The following MYO1E variants were observed in gnomAD, a reference collection of about 807,000 sequenced individuals.
MYO1E encodes myosin IE.
In MYO1E, 68 loss-of-function variants were observed where a neutral mutation model predicts 151.1. That is an observed-to-expected ratio of 0.45 (90% CI 0.37 to 0.55). The LOEUF (loss-of-function observed/expected upper bound fraction) is 0.55, where lower values mean the gene tolerates loss of function less well. Ranked by LOEUF, MYO1E falls within the 20% of genes least tolerant of loss-of-function variation. The pLI, the probability that MYO1E is intolerant of heterozygous loss-of-function variation, is 0.00. For missense variants in MYO1E, 1,363 were observed against 1,389.3 expected, an observed-to-expected ratio of 0.98 and a Z score of 0.30; for synonymous variants, 601 against 501.7, an observed-to-expected ratio of 1.20 and a Z score of -2.64.
At chr15:59,310,988 T>C (rs756044922) in intron 1 of MYO1E, among the ~76,000 whole-genome samples, 12 of 152,054 alleles carry the variant, frequency 7.9e-5, no homozygotes, top group Non-Finnish European at 1.6e-4. Context: ...CACGTACTCA[T>C]GTACTCATGA....
intron 1 of MYO1E, among the ~76,000 whole-genome samples, chr15:59,342,997 G>T (rs2080774260): frequency 6.6e-6 from 1 of 151,842 alleles, no homozygotes; most frequent in African/African-American, 2.4e-5. Flanking sequence ...TATTTTTTAT[G>T]GGTTCATCCT....
In MYO1E at chr15:59,359,430, A is replaced by C. The variant is rs569382987; in HGVS notation, c.3+13068T>G. On this transcript the variant is annotated intron_variant, in intron 1 of 27. Coordinates refer to ENST00000288235, the MANE Select transcript of MYO1E (RefSeq NM_004998.4). ...CTTGAGCCTAGGAGGTTGAGGCTACAGTGAGACAAGATCACACCACTGCAC... is the reference window on the plus strand; with the variant it reads ...CTTGAGCCTAGGAGGTTGAGGCTACCGTGAGACAAGATCACACCACTGCAC... 2.3e-3 allele frequency among the ~76,000 whole-genome samples: 352 copies of C among 151,736 alleles called. 2 individuals carry two copies. Among genetic ancestry groups the C allele is most frequent in the Non-Finnish European group, 4.1e-3 (276 of 67,930 alleles).
At chr15:59,154,908 G>A (rs1302908407) in intron 25 of MYO1E, among the ~76,000 whole-genome samples, 4 of 152,202 alleles carry the variant, frequency 2.6e-5, no homozygotes, top group Admixed American at 2.0e-4. Flanking sequence ...TCAAGAGGGT[G>A]GCTCCTCATC....
chr15:59,188,084 G>A (rs1313228306), intron 18 of MYO1E, 34 bp downstream of exon 18: 14 of 1,490,832 alleles, frequency 9.4e-6, no homozygotes, highest in Admixed American at 1.7e-5. Context: ...CAATAAACCT[G>A]TTTTAAAAAA....
chr15:59,306,808 G>A (rs2080517356), intron 1 of MYO1E, among the ~76,000 whole-genome samples: 1 of 152,236 alleles, frequency 6.6e-6, no homozygotes, highest in African/African-American at 2.4e-5. Flanking sequence ...GAGCCAAGAT[G>A]GTGAGGCACG....
rs1330117903 is a variant in MYO1E at position 59,136,233 on chromosome 15, TTTG to T, written c.*1144_*1146del. Reference sequence around the variant, plus strand: ...CTCTAATGACTTCATTTTAATTAGTTTTGTTTGTTTGCTCCATAAAGACTCTAT... The same window carrying T: ...CTCTAATGACTTCATTTTAATTAGTTTTTGTTTGCTCCATAAAGACTCTAT... On this transcript the variant is annotated 3_prime_UTR_variant, in exon 28 of 28. Coordinates refer to ENST00000288235, the MANE Select transcript of MYO1E (RefSeq NM_004998.4). 1.3e-5 allele frequency: 2 copies of T among 154,564 alleles called. No homozygotes were observed. Among genetic ancestry groups the T allele is most frequent in the African/African-American group, 4.8e-5 (2 of 41,494 alleles). 9.6% of individuals were successfully genotyped at this position (154,564 alleles called of 1,614,324 possible).
chr15:59,192,551 GC>G (rs1420484592), intron 17 of MYO1E, among the ~76,000 whole-genome samples: 2 of 152,148 alleles, frequency 1.3e-5, no homozygotes, highest in Non-Finnish European at 2.9e-5. Context: ...ATCAGACAAT[GC>G]CCAGTTGTTC....
Position 59,217,916 on chromosome 15 carries a change from G to C in MYO1E, c.1082C>G (p.Ala361Gly). ...ATCTACCAAGAAATCAAAGACCCGG[G>C]CGTGCAGGGCCTTGGCGAGCGCATC... ...TRDALAKALH[A>G]RVFDFLVDSI... The change falls in exon 10 of 28, where the codon GCC (alanine) becomes GGC (glycine). Residue 361 changes from alanine to glycine, a missense_variant. Physicochemically the swap from Ala to Gly is moderately conservative, Grantham distance 60 (BLOSUM62 0). Coordinates refer to ENST00000288235, the MANE Select transcript of MYO1E (RefSeq NM_004998.4). 1 of 1,614,172 alleles carries C rather than the reference G, an allele frequency of 6.2e-7. No homozygotes were observed. The highest frequency in any genetic ancestry group is 8.5e-7 in the Non-Finnish European group (1 of 1,180,034).
rs79729322 is a variant in MYO1E, at chr15:59,225,219, T to C, written c.643-396A>G. Among the ~76,000 whole-genome samples the C allele has an allele frequency of 3.4e-3, 520 of 152,352 alleles. 2 individuals are homozygous for C. Among genetic ancestry groups the C allele is most frequent in the African/African-American group, 0.012 (493 of 41,580 alleles). On this transcript the variant is annotated intron_variant, in intron 7 of 27. Transcript: ENST00000288235. ...GCAGCTTCCTGCTCTCTGGTACTCT[T>C]TGCCTTCTTTAGAAGCTTTTCCTTG... is the stretch of plus-strand genomic sequence containing the variant.
intron 1 of MYO1E, among the ~76,000 whole-genome samples, chr15:59,278,396 A>G (rs1304600043): frequency 6.6e-6 from 1 of 152,228 alleles, no homozygotes; most frequent in Non-Finnish European, 1.5e-5. Context: ...TCCGTGAGTA[A>G]TAACAGGAAA....
At chr15:59,337,927 A>G (rs528379409) in intron 1 of MYO1E, among the ~76,000 whole-genome samples, 2 of 152,366 alleles carry the variant, frequency 1.3e-5, no homozygotes, top group South Asian at 4.1e-4. Flanking sequence ...AATCACTTAA[A>G]CATCCTCCAT....
chr15:59,151,070 CTT>C (rs561329464), intron 26 of MYO1E, among the ~76,000 whole-genome samples: 5,027 of 150,398 alleles, frequency 0.033, 128 homozygotes, highest in African/African-American at 0.071. Flanking sequence ...CGCACGTGCA[CTT>C]AGAGAGAGGT....
At chr15:59,240,684 C>G (rs999949305) in intron 4 of MYO1E, among the ~76,000 whole-genome samples, 4 of 152,174 alleles carry the variant, frequency 2.6e-5, no homozygotes, top group Admixed American at 2.6e-4. Flanking sequence ...GCACCCCCAT[C>G]CCCCATTTCT....
At chr15:59,332,436 G>GT (rs1460729066) in intron 1 of MYO1E, among the ~76,000 whole-genome samples, 6 of 152,204 alleles carry the variant, frequency 3.9e-5, no homozygotes, top group African/African-American at 1.2e-4. Flanking sequence ...ATGGGAAGAA[G>GT]TAAGCATGCT....
chr15:59,185,838 G>T (rs1421769585), intron 18 of MYO1E, among the ~76,000 whole-genome samples: 7 of 152,188 alleles, frequency 4.6e-5, no homozygotes, highest in African/African-American at 1.7e-4. Flanking sequence ...TCAGAGGAAG[G>T]TACACTACTG....
intron 1 of MYO1E, among the ~76,000 whole-genome samples, chr15:59,320,547 C>G (rs2080619391): frequency 6.6e-6 from 1 of 152,196 alleles, no homozygotes; most frequent in Non-Finnish European, 1.5e-5. Flanking sequence ...CTATAACCAT[C>G]TGATCTTCAA....
intron 12 of MYO1E, among the ~76,000 whole-genome samples, chr15:59,213,165 T>G (rs2079891345): frequency 6.8e-6 from 1 of 147,566 alleles, no homozygotes; most frequent in African/African-American, 2.5e-5. Flanking sequence ...TTATTATTAT[T>G]ATTATTATTA....
At chr15:59,151,039 A>G (rs764278453) in intron 26 of MYO1E, among the ~76,000 whole-genome samples, 4 of 118,954 alleles carry the variant, frequency 3.4e-5, no homozygotes, top group South Asian at 4.5e-4. Context: ...ACACACACAC[A>G]CACACACACA....
rs2079356169 is a variant in MYO1E at position 59,133,592 on chromosome 15, C to T, written c.*3788G>A. ...AAATCCAGAAAGAACTGCAATCAAT[C>T]AGCTAGGCCTTGGGAGAAAAGCAAA... On this transcript the variant is annotated 3_prime_UTR_variant, in exon 28 of 28. Coordinates refer to ENST00000288235, the MANE Select transcript of MYO1E (RefSeq NM_004998.4). 1 of 152,114 alleles carries T rather than the reference C, an allele frequency of 6.6e-6. No individual in the cohort carries two copies. The highest frequency in any genetic ancestry group is 1.5e-5 in the Non-Finnish European group (1 of 68,052). The allele number at this position is 152,114 out of a possible 1,614,324, so 9.4% of individuals were successfully genotyped here.
Sources: gnomAD v4.1 joint callset for allele counts (sites outside exome capture counted in the v4.1 genomes callset) on GRCh38, gnomAD v4.1.1 for gene constraint, MANE v1.5 for transcripts, NCBI Gene and HGNC (gene_info 2026-07-23, HGNC 2026-07-21) for gene names.